Variants in HPGD observed in about 807,000 individuals in gnomAD.
The protein encoded by HPGD is 15-hydroxyprostaglandin dehydrogenase, also known as 15-hydroxyprostaglandin dehydrogenase [NAD(+)].
A neutral mutation model predicts 30.0 loss-of-function variants in HPGD; 29 were observed. The observed-to-expected ratio is 0.97, with a 90% confidence interval of 0.72 to 1.32. The LOEUF is 1.32. Among genes scored for constraint, HPGD ranks in the 40% most tolerant of loss-of-function variants. The pLI is 0.00. For synonymous variants in HPGD, 99 were observed against 112.4 expected (o/e 0.88, Z 0.75); for missense variants, 340 against 322.1 (o/e 1.06, Z -0.43).
Position 174,495,411 on chromosome 4 carries a change from T to C in HPGD, c.498+137A>G, listed in dbSNP as rs576756915. On this transcript the variant is annotated intron_variant, in intron 5 of 6. Transcript: ENST00000296522. ...GGTTCTTTATGTGATCTGATAACTTTTTATAATTGAGATGGAGGTATGTCA... is the reference window on the plus strand; with the variant it reads ...GGTTCTTTATGTGATCTGATAACTTCTTATAATTGAGATGGAGGTATGTCA... 225 of 701,772 alleles carry C rather than the reference T, an allele frequency of 3.2e-4. 1 individual carries two copies. In the African/African-American group the frequency reaches 3.8e-3, roughly 12 times the overall value. The allele number at this position is 701,772 out of a possible 1,614,324, so 43.5% of individuals were successfully genotyped here.
intron 2 of HPGD, among the ~76,000 whole-genome samples, chr4:174,520,436 T>C (rs1442019923): frequency 5.3e-5 from 8 of 152,254 alleles, no homozygotes; most frequent in Admixed American, 1.3e-4. Flanking sequence ...TTAAAAGTTA[T>C]AGGCAACATT....
chr4:174,499,315 C>T (rs1245209069), intron 4 of HPGD, among the ~76,000 whole-genome samples: 1 of 152,028 alleles, frequency 6.6e-6, no homozygotes, highest in Non-Finnish European at 1.5e-5. Flanking sequence ...AATAAACCAG[C>T]CCAGGTAGGA....
chr4:174,490,991 G>T lies in HPGD; in HGVS notation c.*965C>A, dbSNP rs1482591830. 2 of 152,140 alleles carry T rather than the reference G, an allele frequency of 1.3e-5. No homozygotes were observed. Among genetic ancestry groups the T allele is most frequent in the East Asian group, 3.8e-4 (2 of 5,332 alleles). The allele number at this position is 152,140 out of a possible 1,614,324, so 9.4% of individuals were successfully genotyped here. On this transcript the variant is annotated 3_prime_UTR_variant, in exon 7 of 7. Transcript: ENST00000296522. This position sits in a 1 kb window ranked among gnomAD's most constrained non-coding sequence, Gnocchi z 4.4. Reference sequence around the variant, plus strand: ...CTGTGTTGTTATGAGTTTCAGCATGGGTACAAAAACATTTACAGTTGTGGC... The same window carrying T: ...CTGTGTTGTTATGAGTTTCAGCATGTGTACAAAAACATTTACAGTTGTGGC...
chr4:174,507,794 A>G (rs1735261432), intron 4 of HPGD: 1 of 246,680 alleles, frequency 4.1e-6, no homozygotes, highest in Non-Finnish European at 7.8e-6. Context: ...GTTTAAGGCT[A>G]GTATTGAAGG....
chr4:174,510,864 C>T (rs1482292416), intron 3 of HPGD, among the ~76,000 whole-genome samples: 2 of 152,134 alleles, frequency 1.3e-5, no homozygotes, highest in Admixed American at 6.5e-5. Context: ...TGGTCTCGAA[C>T]TCCTGACCTC....
chr4:174,516,940 T>C (rs760891350), intron 3 of HPGD, among the ~76,000 whole-genome samples: 1 of 152,184 alleles, frequency 6.6e-6, no homozygotes, highest in Non-Finnish European at 1.5e-5. Context: ...AACCCAGTTC[T>C]TGTTTTTATG....
intron 4 of HPGD, among the ~76,000 whole-genome samples, chr4:174,501,045 C>A (rs7685956): frequency 0.67 from 102,155 of 152,064 alleles, 36,426 homozygotes; most frequent in East Asian, 0.82. Context: ...AATCAACAGG[C>A]TCTACAGAAG....
chr4:174,493,432 C>CAGTCATTGTTACAT, intron 5 of HPGD, 118 bp from the exon 6 acceptor site: 1 of 902,770 alleles, frequency 1.1e-6, no homozygotes, highest in Non-Finnish European at 1.8e-6. Context: ...GATATCCTCC[C>CAGTCATTGTTACAT]AGCTATGTAA....
chr4:174,512,424 G>T (rs1735555901), intron 3 of HPGD, among the ~76,000 whole-genome samples: 1 of 152,166 alleles, frequency 6.6e-6, no homozygotes, highest in South Asian at 2.1e-4. Context: ...TATTTTAGAA[G>T]AAGGAGAGAT....
At chr4:174,505,298 T>G (rs1408569976) in intron 4 of HPGD, among the ~76,000 whole-genome samples, 1 of 152,126 alleles carries the variant, frequency 6.6e-6, no homozygotes, top group Non-Finnish European at 1.5e-5. Flanking sequence ...CCCTGTTGAG[T>G]TGAATACTGA....
intron 3 of HPGD, among the ~76,000 whole-genome samples, chr4:174,516,542 C>T (rs1361920429): frequency 6.6e-6 from 1 of 152,052 alleles, no homozygotes; most frequent in African/African-American, 2.4e-5. Context: ...TTGCTATGAC[C>T]ACTATCTGGG....
In HPGD at chr4:174,522,028, A is replaced by G. The variant is rs776458161; in HGVS notation, c.133T>C (p.Cys45Arg). The change falls in exon 2 of 7, where the codon TGT (cysteine) becomes CGT (arginine). Residue 45 changes from cysteine (C) to arginine (R), a missense_variant. By Grantham distance (180) the Cys-to-Arg change is radical. Transcript: ENST00000296522. Reference sequence around the variant, plus strand: ...AACTGCTCATCCAGGGCAGCTTTACACTGTACACCTGCTTCAAGATTCCAA... The same window carrying G: ...AACTGCTCATCCAGGGCAGCTTTACGCTGTACACCTGCTTCAAGATTCCAA... ...VDWNLEAGVQCKAALDEQFEP... is the reference protein window; with the variant it reads ...VDWNLEAGVQRKAALDEQFEP... 11 of 1,614,064 alleles carry G rather than the reference A, an allele frequency of 6.8e-6. No individual in the cohort carries two copies. The highest frequency in any genetic ancestry group is 3.3e-4 in the Middle Eastern group (2 of 6,082).
At chr4:174,506,383 G>A (rs1478094335) in intron 4 of HPGD, among the ~76,000 whole-genome samples, 1 of 152,160 alleles carries the variant, frequency 6.6e-6, no homozygotes, top group Admixed American at 6.5e-5. Flanking sequence ...AACGATTTCA[G>A]TTGCTTTTAC....
At chr4:174,517,424 G>A (rs942296758) in intron 3 of HPGD, among the ~76,000 whole-genome samples, 27 of 152,106 alleles carry the variant, frequency 1.8e-4, no homozygotes, top group Non-Finnish European at 2.1e-4. Context: ...AGCGGTTGAC[G>A]AGCTTTTTCT....
At chr4:174,495,952 A>T (rs1734577645) in intron 4 of HPGD, 1 of 290,344 alleles carries the variant, frequency 3.4e-6, no homozygotes, top group African/African-American at 2.2e-5. Context: ...TCATCTTTAA[A>T]GTCAGTAAAT....
intron 4 of HPGD, among the ~76,000 whole-genome samples, chr4:174,504,683 T>C (rs575301322): frequency 6.7e-6 from 1 of 149,114 alleles, no homozygotes; most frequent in South Asian, 2.1e-4. Context: ...CGTGGTGGTG[T>C]GCACCTGTAA....
chr4:174,506,471 T>C (rs890049443), intron 4 of HPGD, among the ~76,000 whole-genome samples: 1 of 152,182 alleles, frequency 6.6e-6, no homozygotes, highest in Admixed American at 6.6e-5. Context: ...AATAATCTAG[T>C]GGTTAAAATT....
At chr4:174,495,025 C>T (rs924765167) in intron 5 of HPGD, among the ~76,000 whole-genome samples, 5 of 152,156 alleles carry the variant, frequency 3.3e-5, no homozygotes, top group Non-Finnish European at 5.9e-5. Flanking sequence ...GCATTCTCAC[C>T]TCATGCTGTC....
At position 174,491,588 on chromosome 4, in the gene HPGD, T is replaced by C. The variant is rs1734346411; in HGVS notation, c.*368A>G. On this transcript the variant is annotated 3_prime_UTR_variant, in exon 7 of 7. Transcript: ENST00000296522. ...GTATGTGAGTGTTTTACATCTGGTT[T>C]GATTTAAATAACAATTCAAGTATCT... The C allele has an allele frequency of 5.0e-6, 1 of 198,362 alleles. No individual in the cohort carries two copies. Among genetic ancestry groups the C allele is most frequent in the Admixed American group, 5.4e-5 (1 of 18,352 alleles). The allele number at this position is 198,362 out of a possible 1,614,324, so 12.3% of individuals were successfully genotyped here.
Sources: allele counts gnomAD v4.1 joint callset (sites outside exome capture counted in the v4.1 genomes callset), GRCh38; gene constraint gnomAD v4.1.1; non-coding constraint Gnocchi (gnomAD v3.1); transcripts MANE v1.5; gene names NCBI Gene and HGNC (gene_info 2026-07-23, HGNC 2026-07-21).